The following BCL2L11 variants were observed in gnomAD, a reference collection of about 807,000 sequenced individuals.
The protein encoded by BCL2L11 is BCL2 like 11, also known as bcl-2-like protein 11.
BCL2L11 carries 15 observed loss-of-function variants against 20.6 expected under a neutral mutation model. The observed-to-expected ratio is 0.73, with a 90% CI of 0.49 to 1.12. The LOEUF (loss-of-function observed/expected upper bound fraction) is 1.12, where lower values mean the gene tolerates loss of function less well. Among genes scored for constraint, BCL2L11 ranks in the 50% most tolerant of loss-of-function variants. The pLI is 0.00. For missense variants in BCL2L11, 292 were observed against 260.9 expected (o/e 1.12, Z -0.82); for synonymous variants, 108 against 92.8 (o/e 1.16, Z -0.94).
Position 111,130,111 on chromosome 2 carries a change from T to C in BCL2L11, c.394+5972T>C, listed in dbSNP as rs187324134. ...GTATTTATTGTACTTTTACTTCTCT[T>C]TTTTTTTTTTTTTGTGACAGTCTCA... On this transcript the variant is annotated intron_variant, in intron 2 of 3. Transcript: ENST00000393256. 906 of 269,300 alleles carry C rather than the reference T, an allele frequency of 3.4e-3. 14 individuals carry two copies. The highest frequency in any genetic ancestry group is 0.017 in the African/African-American group (666 of 40,002). The allele number at this position is 269,300 out of a possible 1,614,324, so 16.7% of individuals were successfully genotyped here.
intron 1 of BCL2L11, 128 bp downstream of exon 1, chr2:111,121,316 T>C: frequency 5.9e-6 from 1 of 169,654 alleles, no homozygotes; most frequent in Non-Finnish European, 1.3e-5. Flanking sequence ...TCGGCGCCGC[T>C]TGTCGCCGGC....
Position 111,120,979 on chromosome 2 carries a change from T to TGCCGCTGCCGCTGCCGCCGCCGCC in BCL2L11, c.-218_-217insTGCCGCTGCCGCCGCCGCCGCCGC, listed in dbSNP as rs1465879075. The TGCCGCTGCCGCTGCCGCCGCCGCC allele has an allele frequency of 3.0e-4, 91 of 305,314 alleles. 5 individuals carry two copies. The highest frequency in any genetic ancestry group is 5.0e-4 in the African/African-American group (21 of 42,388). 18.9% of individuals were successfully genotyped at this position (305,314 alleles called of 1,614,324 possible). On this transcript the variant is annotated 5_prime_UTR_variant, in exon 1 of 4. Transcript: ENST00000393256. ...GCTCTGCGTCCAGCGCCGCTGCCGC[T>TGCCGCTGCCGCTGCCGCCGCCGCC]GCCGCCGCCGCCGCCGCCGCCGCCG... is the stretch of plus-strand genomic sequence containing the variant.
At chr2:111,156,662 G>A (rs952062705) in intron 3 of BCL2L11, among the ~76,000 whole-genome samples, 1 of 152,190 alleles carries the variant, frequency 6.6e-6, no homozygotes, top group Non-Finnish European at 1.5e-5. Context: ...GTTGAAGCCA[G>A]AGTGTGATCT....
intron 2 of BCL2L11, among the ~76,000 whole-genome samples, chr2:111,148,068 TA>T (rs1229842528): frequency 6.6e-6 from 1 of 152,242 alleles, no homozygotes; most frequent in Non-Finnish European, 1.5e-5. Flanking sequence ...GCCAACTTTA[TA>T]AAACATCAAT....
intron 3 of BCL2L11, among the ~76,000 whole-genome samples, chr2:111,157,407 T>C (rs1001017210): frequency 6.6e-6 from 1 of 152,260 alleles, no homozygotes; most frequent in Non-Finnish European, 1.5e-5. Context: ...GTGGTTAAAC[T>C]ATGTTACGTC....
At position 111,123,737 on chromosome 2, in the gene BCL2L11, A is replaced by G; in HGVS notation, c.-9A>G. The G allele has an allele frequency of 2.9e-6, 4 of 1,388,188 alleles. No homozygotes were observed. Among genetic ancestry groups the G allele is most frequent in the Non-Finnish European group, 3.8e-6 (4 of 1,064,036 alleles). The allele number at this position is 1,388,188 out of a possible 1,614,324, so 86.0% of individuals were successfully genotyped here. On this transcript the variant is annotated 5_prime_UTR_variant, in exon 2 of 4. Transcript: ENST00000393256. ...TAGTTTTTATTTTACTTGCAGAAAA[A>G]AAGACCAAATGGCAAAGCAACCTTC...
At chr2:111,146,907 G>A (rs1227323084) in intron 2 of BCL2L11, among the ~76,000 whole-genome samples, 1 of 152,088 alleles carries the variant, frequency 6.6e-6, no homozygotes, top group Admixed American at 6.6e-5. Flanking sequence ...TCTTATTGCA[G>A]GATGAGTGTT....
At chr2:111,147,390 A>C (rs201059790) in intron 2 of BCL2L11, among the ~76,000 whole-genome samples, 13,000 of 137,514 alleles carry the variant, frequency 0.095, 612 homozygotes, top group East Asian at 0.17. Context: ...ACACACACAC[A>C]CCCGCCATTT....
chr2:111,166,484 C>G lies in BCL2L11; in HGVS notation c.*2253C>G, dbSNP rs914628022. The G allele has an allele frequency of 1.3e-5, 2 of 152,702 alleles. No individual in the cohort carries two copies. Among genetic ancestry groups the G allele is most frequent in the Non-Finnish European group, 2.9e-5 (2 of 68,060 alleles). 9.5% of individuals were successfully genotyped at this position (152,702 alleles called of 1,614,324 possible). The stretch of plus-strand genomic sequence containing the variant: ...AACTTAAAGCGATGACTGGATGTCT[C>G]TGTACTGTATGTATCTGGTTATCAA... On this transcript the variant is annotated 3_prime_UTR_variant, in exon 4 of 4. Coordinates refer to ENST00000393256, the MANE Select transcript of BCL2L11 (RefSeq NM_138621.5).
At chr2:111,133,659 T>A (rs763318156) in intron 2 of BCL2L11, among the ~76,000 whole-genome samples, 1 of 152,214 alleles carries the variant, frequency 6.6e-6, no homozygotes, top group Non-Finnish European at 1.5e-5. Flanking sequence ...TGGTGACTGA[T>A]CTATGCTGCT....
intron 2 of BCL2L11, among the ~76,000 whole-genome samples, chr2:111,141,941 T>C (rs543058077): frequency 6.6e-6 from 1 of 152,174 alleles, no homozygotes; most frequent in Non-Finnish European, 1.5e-5. Flanking sequence ...CCTCAAGTGA[T>C]GTGCCCACCT....
chr2:111,161,065 C>T (rs191048106), intron 3 of BCL2L11, among the ~76,000 whole-genome samples: 3 of 152,310 alleles, frequency 2.0e-5, no homozygotes, highest in African/African-American at 4.8e-5. Flanking sequence ...GGTCTCCCTC[C>T]GTGGGTTTCT....
At chr2:111,137,260 A>G (rs530227731) in intron 2 of BCL2L11, among the ~76,000 whole-genome samples, 2 of 152,198 alleles carry the variant, frequency 1.3e-5, no homozygotes, top group Non-Finnish European at 2.9e-5. Context: ...GTCTCCACAC[A>G]CCTCATGTCT....
At chr2:111,123,122 C>A in intron 1 of BCL2L11, 2 of 981,664 alleles carry the variant, frequency 2.0e-6, no homozygotes, top group Non-Finnish European at 2.4e-6. Flanking sequence ...TGATTCGGTG[C>A]GGCGTGCGGT....
chr2:111,142,911 G>T (rs973639272), intron 2 of BCL2L11, among the ~76,000 whole-genome samples: 2 of 152,136 alleles, frequency 1.3e-5, no homozygotes, highest in East Asian at 3.8e-4. Context: ...CTAAGGAATG[G>T]TCTTAAGTGA....
At chr2:111,152,885 A>G (rs2077411489) in intron 3 of BCL2L11, among the ~76,000 whole-genome samples, 1 of 152,244 alleles carries the variant, frequency 6.6e-6, no homozygotes, top group African/African-American at 2.4e-5. Context: ...GTCTGATTGC[A>G]GTATTTACAA....
intron 2 of BCL2L11, among the ~76,000 whole-genome samples, chr2:111,149,448 A>G (rs943364613): frequency 2.0e-5 from 3 of 152,206 alleles, no homozygotes; most frequent in African/African-American, 7.2e-5. Flanking sequence ...ATTGAGACAA[A>G]ACATGCAATT....
chr2:111,154,355 A>G (rs2077582473), intron 3 of BCL2L11, among the ~76,000 whole-genome samples: 1 of 145,038 alleles, frequency 6.9e-6, no homozygotes, highest in African/African-American at 2.6e-5. Flanking sequence ...CCTTCTCAGA[A>G]AAAAAAAAAA....
intron 1 of BCL2L11, chr2:111,122,507 A>G (rs1264651339): frequency 1.5e-6 from 1 of 682,782 alleles, no homozygotes; most frequent in African/African-American, 1.9e-5. Context: ...CGCCGCCCCC[A>G]CCGCGGCTGC....
Sources: allele counts gnomAD v4.1 joint callset (sites outside exome capture counted in the v4.1 genomes callset), GRCh38; gene constraint gnomAD v4.1.1; transcripts MANE v1.5; gene names NCBI Gene and HGNC (gene_info 2026-07-23, HGNC 2026-07-21).